The following LAMA4 variants were observed in gnomAD, a reference collection of about 807,000 sequenced individuals.
LAMA4 encodes the protein laminin subunit alpha 4, also known as laminin subunit alpha-4.
A neutral mutation model predicts 207.1 loss-of-function variants in LAMA4; 127 were observed. The ratio of observed to expected loss-of-function variants is 0.61; its 90% CI spans 0.53 to 0.71. The LOEUF (loss-of-function observed/expected upper bound fraction) is 0.71. LAMA4 is among the 30% of genes least tolerant of loss of function. The probability of loss-of-function intolerance (pLI) is 0.00; values close to 1 mark genes in which losing one functional copy is unlikely to be tolerated. For synonymous variants in LAMA4, 761 were observed against 816.0 expected, an observed-to-expected ratio of 0.93 and a Z score of 1.15; for missense variants, 2,093 against 2,246.5, an observed-to-expected ratio of 0.93 and a Z score of 1.38.
At chr6:112,197,421 T>G (rs1554350827) in intron 5 of LAMA4, among the ~76,000 whole-genome samples, 2 of 152,188 alleles carry the variant, frequency 1.3e-5, no homozygotes, top group African/African-American at 4.8e-5. Flanking sequence ...TAGACCAGTG[T>G]TTCGCGAATT....
rs781983886 is a variant in LAMA4, at chr6:112,172,598, G to A, written c.1551+13C>T. Reference sequence around the variant, plus strand: ...TGATGCTGAAATGCATTGATGGTGAGTGTCCGCTGTACCTCATGGTCCCGC... The same window carrying A: ...TGATGCTGAAATGCATTGATGGTGAATGTCCGCTGTACCTCATGGTCCCGC... On this transcript the variant is annotated intron_variant, in intron 12 of 38. Coordinates refer to ENST00000230538, the MANE Select transcript of LAMA4 (RefSeq NM_001105206.3). 3.7e-6 allele frequency: 6 copies of A among 1,611,836 alleles called. No individual in the cohort carries two copies. In the Admixed American group the frequency reaches 1.0e-4, roughly 27 times the overall value.
At chr6:112,168,963 A>G (rs1170633730) in intron 12 of LAMA4, among the ~76,000 whole-genome samples, 1 of 152,190 alleles carries the variant, frequency 6.6e-6, no homozygotes, top group Non-Finnish European at 1.5e-5. Context: ...AAAGGCAATA[A>G]GTAGAAAATG....
chr6:112,243,562 A>G (rs1290403708), intron 2 of LAMA4, among the ~76,000 whole-genome samples: 8 of 152,206 alleles, frequency 5.3e-5, no homozygotes, highest in African/African-American at 1.9e-4. Context: ...GGCAAGGGTG[A>G]TCTGGTTGTT....
chr6:112,144,788 A>G lies in LAMA4; in HGVS notation c.2493+6T>C, dbSNP rs1554334091. On this transcript the variant is annotated splice_donor_region_variant and intron_variant, in intron 19 of 38. Coordinates refer to ENST00000230538, the MANE Select transcript of LAMA4 (RefSeq NM_001105206.3). ...TGACTGACTGATGAGTCTTTTCATC[A>G]GTTACCTTGCTGGCAACACTTCTGG... 6 of 1,613,052 alleles carry G rather than the reference A, an allele frequency of 3.7e-6. No individual in the cohort carries two copies. Among genetic ancestry groups the G allele is most frequent in the South Asian group, 3.3e-5 (3 of 91,054 alleles).
chr6:112,155,139 A>C (rs886339838), intron 15 of LAMA4, among the ~76,000 whole-genome samples, 192 bp from the exon 16 acceptor site: 10 of 152,230 alleles, frequency 6.6e-5, no homozygotes, highest in African/African-American at 2.4e-4. Flanking sequence ...TTTCAAGGTA[A>C]TGTTTTTTTG....
intron 16 of LAMA4, 62 bp downstream of exon 16, chr6:112,154,789 G>T: frequency 1.0e-6 from 1 of 982,098 alleles, no homozygotes; most frequent in Non-Finnish European, 1.7e-6. Flanking sequence ...CTCTGTCTAC[G>T]TGTATGAAAG....
In LAMA4 at chr6:112,133,407, T is replaced by G; in HGVS notation, c.3638A>C (p.Asn1213Thr). The G allele has an allele frequency of 6.2e-7, 1 of 1,613,904 alleles. No homozygotes were observed. Among genetic ancestry groups the G allele is most frequent in the East Asian group, 2.2e-5 (1 of 44,880 alleles). The part of the protein sequence containing the change: ...KGFQFQKKDF[N>T]LLEQTETLGV... ...CAGGGTTTCTGTCTGCTCCAGTAAA[T>G]TGAAGTCCTTCTTTTGGAACTGGAA... The change falls in exon 27 of 39, where the codon AAT becomes ACT. Residue 1213 changes from asparagine (N) to threonine (T), a missense_variant. Physicochemically the swap from Asn to Thr is moderately conservative, Grantham distance 65. This residue lies in a region of LAMA4 where 1,704 missense variants were observed against 1,788.4 expected (regional missense o/e 0.95). Transcript: ENST00000230538.
intron 2 of LAMA4, among the ~76,000 whole-genome samples, chr6:112,241,150 AAT>A (rs1474824571): frequency 0.011 from 681 of 60,444 alleles, 57 homozygotes; most frequent in East Asian, 0.041. Context: ...TATATATATG[AAT>A]ATATATATGA....
intron 2 of LAMA4, among the ~76,000 whole-genome samples, chr6:112,222,842 A>G (rs1236712621): frequency 6.6e-6 from 1 of 152,234 alleles, no homozygotes; most frequent in Non-Finnish European, 1.5e-5. Flanking sequence ...AACTAAGAAA[A>G]TCCACAGCCC....
intron 13 of LAMA4, chr6:112,159,525 T>C (rs1450123198): frequency 3.3e-5 from 5 of 153,364 alleles, no homozygotes; most frequent in Non-Finnish European, 5.8e-5. Flanking sequence ...TGCAAACCCG[T>C]GAGTTTCAGC....
At position 112,141,486 on chromosome 6, in the gene LAMA4, C is replaced by G; in HGVS notation, c.2685G>C (p.Met895Ile). The G allele has an allele frequency of 2.5e-6, 4 of 1,607,420 alleles. No homozygotes were observed. The highest frequency in any genetic ancestry group is 2.6e-6 in the Non-Finnish European group (3 of 1,173,972). The stretch of plus-strand genomic sequence containing the variant: ...GATTATCATTTTTGATTGCAAGACC[C>G]ATATACTCTTTTTTGGCCTGAAATA... Reference protein sequence around the residue: ...LGSKNAKKEYMGLAIKNDNLV... With the variant: ...LGSKNAKKEYIGLAIKNDNLV... The change falls in exon 21 of 39, where the codon ATG (methionine) becomes ATC (isoleucine). Residue 895 changes from methionine to isoleucine, a missense_variant. Physicochemically the swap from Met to Ile is conservative, Grantham distance 10 (BLOSUM62 1). Around this residue, in one of 3 missense-constraint regions of LAMA4, gnomAD observed 1,704 missense variants for 1,788.4 expected, o/e 0.95. Coordinates refer to ENST00000230538, the MANE Select transcript of LAMA4 (RefSeq NM_001105206.3).
chr6:112,210,027 C>G lies in LAMA4; in HGVS notation c.298-2882G>C, dbSNP rs553831733. Among the ~76,000 whole-genome samples, 4 of 152,046 alleles carry G rather than the reference C, an allele frequency of 2.6e-5. No homozygotes were observed. In the South Asian group the frequency reaches 6.2e-4, roughly 24 times the overall value. ...CCCCCTTTGTGCTCTCCCTCTCTCT[C>G]TCTCTCTCCCCCACCTCCCACTGCA... On this transcript the variant is annotated intron_variant, in intron 3 of 38. Coordinates refer to ENST00000230538, the MANE Select transcript of LAMA4 (RefSeq NM_001105206.3).
intron 2 of LAMA4, chr6:112,253,601 C>A (rs184783330): frequency 2.6e-6 from 2 of 762,352 alleles, no homozygotes; most frequent in African/African-American, 3.4e-5. Context: ...AGGGCACACA[C>A]GTTAAGTGCC....
Position 112,139,137 on chromosome 6 carries a change from G to A in LAMA4, c.3265C>T (p.Leu1089Phe). 6.2e-7 allele frequency: 1 copy of A among 1,614,138 alleles called. No individual in the cohort carries two copies. The highest frequency in any genetic ancestry group is 1.1e-5 in the South Asian group (1 of 91,088). ...TTACTCACTCCATTGACCATCAGGA[G>A]AATAAGGCCGTTGTCAGCTGGTGTT... ...VRTPADNGLI[L>F]LMVNGSMFFR... The change falls in exon 24 of 39, where the codon CTC becomes TTC. Residue 1089 changes from leucine (L) to phenylalanine (F), a missense_variant. Transcript: ENST00000230538.
intron 13 of LAMA4, among the ~76,000 whole-genome samples, chr6:112,163,469 A>G (rs1238613470): frequency 6.6e-6 from 1 of 152,188 alleles, no homozygotes; most frequent in Admixed American, 6.5e-5. Flanking sequence ...ACCGCTAGCC[A>G]GGGTAGAGGC....
chr6:112,215,112 A>T (rs1452089458), intron 3 of LAMA4, among the ~76,000 whole-genome samples: 4 of 152,206 alleles, frequency 2.6e-5, no homozygotes, highest in Non-Finnish European at 5.9e-5. Flanking sequence ...CCCAAATGTC[A>T]CTGGGATTAA....
intron 9 of LAMA4, among the ~76,000 whole-genome samples, chr6:112,184,324 GAAAAA>G (rs576885972): frequency 2.5e-5 from 3 of 120,752 alleles, no homozygotes; most frequent in Non-Finnish European, 5.5e-5. Flanking sequence ...AATATCATTA[GAAAAA>G]AAAAAAAAAA....
intron 32 of LAMA4, chr6:112,121,638 C>A (rs1778363365): frequency 6.8e-6 from 2 of 293,292 alleles, no homozygotes; most frequent in Non-Finnish European, 1.3e-5. Context: ...TCCTTATTAA[C>A]CTTTTAGCAG....
chr6:112,207,555 C>T (rs149533103), intron 3 of LAMA4, among the ~76,000 whole-genome samples: 1 of 139,616 alleles, frequency 7.2e-6, no homozygotes, highest in Non-Finnish European at 1.5e-5. Context: ...ACAAACATCC[C>T]CCTGGTACTT....
Sources: allele counts gnomAD v4.1 joint callset (sites outside exome capture counted in the v4.1 genomes callset), GRCh38; gene constraint gnomAD v4.1.1; regional missense constraint gnomAD v4.1.1; transcripts MANE v1.5; gene names NCBI Gene and HGNC (gene_info 2026-07-23, HGNC 2026-07-21).